Variants in ITGB6 observed in about 807,000 individuals in gnomAD.
The protein encoded by ITGB6 is integrin subunit beta 6.
ITGB6 carries 80 observed loss-of-function variants against 84.5 expected under a neutral mutation model. The observed-to-expected ratio is 0.95, with a 90% CI of 0.79 to 1.14. The LOEUF (loss-of-function observed/expected upper bound fraction) is 1.14. ITGB6 is among the 50% of genes most tolerant of loss of function. ITGB6 has a pLI of 0.00. For synonymous variants in ITGB6, 383 were observed against 354.9 expected, an observed-to-expected ratio of 1.08 and a Z score of -0.89; for missense variants, 1,006 against 968.0, an observed-to-expected ratio of 1.04 and a Z score of -0.52.
At chr2:160,117,809 G>A (rs1433351880) in intron 12 of ITGB6, among the ~76,000 whole-genome samples, 2 of 152,110 alleles carry the variant, frequency 1.3e-5, no homozygotes, top group Non-Finnish European at 2.9e-5. Flanking sequence ...TCAGATAGAT[G>A]CAATAAAACA....
chr2:160,149,338 C>T (rs1201335493), intron 7 of ITGB6, among the ~76,000 whole-genome samples: 1 of 152,182 alleles, frequency 6.6e-6, no homozygotes, highest in Non-Finnish European at 1.5e-5. Context: ...CTCCAGCAAA[C>T]TCCAACACAC....
At chr2:160,147,554 G>A (rs1684246819) in intron 7 of ITGB6, among the ~76,000 whole-genome samples, 1 of 152,230 alleles carries the variant, frequency 6.6e-6, no homozygotes, top group African/African-American at 2.4e-5. Flanking sequence ...AAAGTTGGAG[G>A]ATTGACACTA....
chr2:160,105,878 A>T (rs1696890492), intron 14 of ITGB6, among the ~76,000 whole-genome samples: 1 of 152,194 alleles, frequency 6.6e-6, no homozygotes, highest in African/African-American at 2.4e-5. Flanking sequence ...ATTGTTAGGG[A>T]TGAGTAAATT....
At chr2:160,158,741 G>A (rs1684715305) in intron 7 of ITGB6, among the ~76,000 whole-genome samples, 1 of 152,194 alleles carries the variant, frequency 6.6e-6, no homozygotes, top group African/African-American at 2.4e-5. Flanking sequence ...AGAGGCTTCA[G>A]CTCTTGATAT....
chr2:160,195,670 C>T, intron 3 of ITGB6, 55 bp from the exon 4 acceptor site: 3 of 1,601,336 alleles, frequency 1.9e-6, no homozygotes, highest in East Asian at 4.5e-5. Flanking sequence ...GATTTATTTG[C>T]TACTGGCCAC....
At chr2:160,112,393 C>T (rs543367815) in intron 12 of ITGB6, among the ~76,000 whole-genome samples, 194 bp from the exon 13 acceptor site, 4 of 151,780 alleles carry the variant, frequency 2.6e-5, no homozygotes, top group African/African-American at 7.3e-5. Flanking sequence ...AAGAACAGTT[C>T]CAGTTGTGGT....
intron 10 of ITGB6, among the ~76,000 whole-genome samples, chr2:160,134,447 T>C (rs549775553): frequency 1.5e-4 from 23 of 152,246 alleles, no homozygotes; most frequent in African/African-American, 5.5e-4. Context: ...CAGGACCAGA[T>C]GGATTCACAG....
intron 14 of ITGB6, among the ~76,000 whole-genome samples, chr2:160,104,339 G>A (rs1426393343): frequency 2.0e-5 from 3 of 152,166 alleles, no homozygotes; most frequent in Non-Finnish European, 4.4e-5. Flanking sequence ...TGTCCACACT[G>A]CCTCCTCTAG....
At chr2:160,113,406 A>G (rs573203390) in intron 12 of ITGB6, among the ~76,000 whole-genome samples, 11 of 152,218 alleles carry the variant, frequency 7.2e-5, no homozygotes, top group Non-Finnish European at 1.5e-4. Flanking sequence ...AAAACCCAAC[A>G]GTGTCTGTGA....
chr2:160,189,665 C>T (rs1347399018), intron 4 of ITGB6, among the ~76,000 whole-genome samples: 4 of 151,970 alleles, frequency 2.6e-5, no homozygotes, highest in African/African-American at 9.7e-5. Context: ...TACCATCTCA[C>T]ACCAGTTAGA....
rs1349576201 is a variant in ITGB6 at position 160,101,754 on chromosome 2, G to T, written c.2349C>A (p.Asp783Glu). The T allele has an allele frequency of 6.3e-7, 1 of 1,576,342 alleles. No homozygotes were observed. The highest frequency in any genetic ancestry group is 1.3e-5 in the African/African-American group (1 of 74,142). Residue 783 changes from aspartate (D) to glutamate (E), a missense_variant, in exon 15 of 15, where the codon GAC becomes GAA. Coordinates refer to ENST00000283249, the MANE Select transcript of ITGB6 (RefSeq NM_000888.5). Reference protein sequence around the residue: ...TYKHREKQKVDLSTDC With the variant: ...TYKHREKQKVELSTDC ...AGTAGTTCTAGCAATCTGTGGAAAG[G>T]TCTACCTTTTGTTTTTCCCTGTGTT... is the stretch of plus-strand genomic sequence containing the variant.
Position 160,162,083 on chromosome 2 carries a change from T to C in ITGB6, c.1017+7129A>G, listed in dbSNP as rs1238089488. ...ATGGACAAGCCTCAAAAGCAGAGCA[T>C]TGAGCTTAACAAAGTTTTAATACCT... On this transcript the variant is annotated intron_variant, in intron 7 of 14. Transcript: ENST00000283249. Among the ~76,000 whole-genome samples the C allele has an allele frequency of 2.6e-5, 4 of 152,294 alleles. 1 individual carries two copies. The highest frequency in any genetic ancestry group is 5.9e-5 in the Non-Finnish European group (4 of 68,026).
At chr2:160,162,007 T>C (rs201860344) in intron 7 of ITGB6, among the ~76,000 whole-genome samples, 1 of 152,346 alleles carries the variant, frequency 6.6e-6, no homozygotes, top group Admixed American at 6.5e-5. Context: ...ATACTGTGAA[T>C]GGAGCGTGCA....
At chr2:160,120,934 T>G (rs1683008218) in intron 12 of ITGB6, among the ~76,000 whole-genome samples, 2 of 134,584 alleles carry the variant, frequency 1.5e-5, no homozygotes, top group African/African-American at 5.4e-5. Context: ...GGGGGAGGGA[T>G]AGCATTAGGA....
intron 7 of ITGB6, among the ~76,000 whole-genome samples, chr2:160,149,186 C>A (rs187569697): frequency 2.0e-5 from 3 of 152,358 alleles, no homozygotes; most frequent in Non-Finnish European, 4.4e-5. Context: ...CTGGGAGACA[C>A]CTCCCAGTAG....
chr2:160,107,728 T>G lies in ITGB6; in HGVS notation c.2219A>C (p.Lys740Thr). 6.2e-7 allele frequency: 1 copy of G among 1,614,058 alleles called. No individual in the cohort carries two copies. Among genetic ancestry groups the G allele is most frequent in the Non-Finnish European group, 8.5e-7 (1 of 1,179,966 alleles). ...WKLLVSFHDRKEVAKFEAERS... is the reference protein window; with the variant it reads ...WKLLVSFHDRTEVAKFEAERS... Reference sequence around the variant, plus strand: ...TTCTGCTTCAAATTTGGCAACTTCTTTACGATCATGAAATGACACCAGTAG... The same window carrying G: ...TTCTGCTTCAAATTTGGCAACTTCTGTACGATCATGAAATGACACCAGTAG... Residue 740 changes from lysine to threonine, a missense_variant, in exon 14 of 15, where the codon AAA becomes ACA. Physicochemically the swap from Lys to Thr is moderately conservative, Grantham distance 78 (BLOSUM62 -1). Transcript: ENST00000283249.
chr2:160,107,650 A>G (rs763988587), intron 14 of ITGB6, 29 bp downstream of exon 14: 2 of 1,609,524 alleles, frequency 1.2e-6, no homozygotes, highest in East Asian at 2.2e-5. Context: ...TCTCCCCTAG[A>G]CAAGGAGTAG....
At chr2:160,144,560 G>A (rs755394214) in intron 7 of ITGB6, among the ~76,000 whole-genome samples, 41 of 152,130 alleles carry the variant, frequency 2.7e-4, no homozygotes, top group Admixed American at 9.2e-4. Context: ...GGAACCTTTC[G>A]CGCTTGACAA....
chr2:160,166,992 T>G (rs1466368026), intron 7 of ITGB6, among the ~76,000 whole-genome samples: 1 of 152,242 alleles, frequency 6.6e-6, no homozygotes. Context: ...TCGTTGAACC[T>G]AAACCTGTGT....
Sources: gnomAD v4.1 joint callset for allele counts (sites outside exome capture counted in the v4.1 genomes callset) on GRCh38, gnomAD v4.1.1 for gene constraint, MANE v1.5 for transcripts, NCBI Gene and HGNC (gene_info 2026-07-23, HGNC 2026-07-21) for gene names.